SLC2A14: variants seen among roughly 807,000 people sequenced by gnomAD.
SLC2A14 encodes solute carrier family 2 member 14, also known as solute carrier family 2, facilitated glucose transporter member 14.
In SLC2A14, 13 loss-of-function variants were observed where a neutral mutation model predicts 43.0. The observed-to-expected ratio is 0.30, with a 90% CI of 0.20 to 0.48. The LOEUF is 0.48. Ranked by LOEUF, SLC2A14 falls within the 20% of genes least tolerant of loss-of-function variation. The pLI is 0.99. For synonymous variants in SLC2A14, 190 were observed against 233.8 expected, an observed-to-expected ratio of 0.81 and a Z score of 1.71; for missense variants, 428 against 620.4, an observed-to-expected ratio of 0.69 and a Z score of 3.29.
chr12:7,882,402 A>G (rs750869348), intron 1 of SLC2A14, among the ~76,000 whole-genome samples: 84 of 152,198 alleles, frequency 5.5e-4, no homozygotes, highest in Non-Finnish European at 9.3e-4. Flanking sequence ...TAAGAGCTGT[A>G]ACACTAACCG....
At chr12:7,890,298 TA>T (rs1945752643) in intron 1 of SLC2A14, among the ~76,000 whole-genome samples, 1 of 152,086 alleles carries the variant, frequency 6.6e-6, no homozygotes, top group Non-Finnish European at 1.5e-5. Context: ...TGAGTCCTGC[TA>T]AACAACAGTA....
chr12:7,824,939 C>T (rs1173780056), intron 7 of SLC2A14, among the ~76,000 whole-genome samples: 1 of 144,346 alleles, frequency 6.9e-6, no homozygotes, highest in Non-Finnish European at 1.5e-5. Flanking sequence ...AGGTGATCTG[C>T]CAGCCTCAGC....
intron 2 of SLC2A14, among the ~76,000 whole-genome samples, chr12:7,867,166 C>A (rs1465114696): frequency 6.6e-6 from 1 of 151,266 alleles, no homozygotes; most frequent in South Asian, 2.1e-4. Context: ...GTAGCCCCAG[C>A]TACTCTGGAG....
chr12:7,814,618 A>G (rs1217726640), intron 10 of SLC2A14, 84 bp from the exon 11 acceptor site: 2 of 1,417,340 alleles, frequency 1.4e-6, no homozygotes, highest in East Asian at 2.5e-5. Flanking sequence ...CATATTTCCA[A>G]TAGGCTTCAA....
At chr12:7,873,801 G>A (rs920770397), upstream of SLC2A14, among the ~76,000 whole-genome samples, 2 of 152,062 alleles carry the variant, frequency 1.3e-5, no homozygotes, top group African/African-American at 2.4e-5. Context: ...ATCCCCTGCT[G>A]CCCCATTGGT....
chr12:7,832,899 T>A, intron 2 of SLC2A14, 85 bp from the exon 3 acceptor site: 1 of 1,339,400 alleles, frequency 7.5e-7, no homozygotes, highest in Non-Finnish European at 1.1e-6. Context: ...GGAGCTGTAT[T>A]AGGAGAATCT....
At chr12:7,882,211 G>C (rs1238776051) in intron 1 of SLC2A14, among the ~76,000 whole-genome samples, 2 of 151,910 alleles carry the variant, frequency 1.3e-5, no homozygotes, top group East Asian at 1.9e-4. Context: ...AAGCCGGTAA[G>C]ACCAGAAGCC....
At position 7,817,793 on chromosome 12, in the gene SLC2A14, T is replaced by TAGACAGAC. The variant is rs377209325; in HGVS notation, c.1275+37_1275+38insGTCTGTCT. On this transcript the variant is annotated intron_variant, in intron 10 of 10. Transcript: ENST00000431042. Reference sequence around the variant, plus strand: ...ATAGATAGATAGACAGATACATAGATAGATACATAGATACATAGATAAGGT... The same window carrying TAGACAGAC: ...ATAGATAGATAGACAGATACATAGATAGACAGACAGATACATAGATACATAGATAAGGT... The TAGACAGAC allele has an allele frequency of 4.7e-5, 68 of 1,458,168 alleles. No individual in the cohort carries two copies. In the African/African-American group the frequency reaches 1.1e-3, roughly 24 times the overall value. The allele number at this position is 1,458,168 out of a possible 1,614,324, so 90.3% of individuals were successfully genotyped here.
chr12:7,876,282 A>C (rs1945463059), upstream of SLC2A14, among the ~76,000 whole-genome samples: 1 of 36,484 alleles, frequency 2.7e-5, no homozygotes, highest in Non-Finnish European at 6.5e-5. Context: ...CTCCATCTCA[A>C]AAAAAAAAAA....
At chr12:7,882,353 C>T (rs1053755063) in intron 1 of SLC2A14, among the ~76,000 whole-genome samples, 1 of 151,934 alleles carries the variant, frequency 6.6e-6, no homozygotes, top group Non-Finnish European at 1.5e-5. Context: ...CCAAACACAT[C>T]TGAACATCAG....
upstream of SLC2A14, among the ~76,000 whole-genome samples, chr12:7,876,280 C>CAAAAAA (rs59935166): frequency 1.2e-4 from 8 of 68,202 alleles, no homozygotes; most frequent in South Asian, 6.4e-4. Context: ...AACTCCATCT[C>CAAAAAA]AAAAAAAAAA....
At chr12:7,854,856 T>A (rs1320235311) in intron 2 of SLC2A14, among the ~76,000 whole-genome samples, 3 of 151,234 alleles carry the variant, frequency 2.0e-5, no homozygotes, top group Non-Finnish European at 4.4e-5. Flanking sequence ...TGTCACCCAG[T>A]CTGGAGTGTA....
At chr12:7,830,960 C>A (rs746820578) in intron 4 of SLC2A14, among the ~76,000 whole-genome samples, 2 of 151,976 alleles carry the variant, frequency 1.3e-5, no homozygotes, top group East Asian at 1.9e-4. Context: ...CCCATCTCTA[C>A]TAAAAATACA....
chr12:7,864,656 C>A (rs1944811272), intron 2 of SLC2A14, among the ~76,000 whole-genome samples: 1 of 152,062 alleles, frequency 6.6e-6, no homozygotes, highest in South Asian at 2.1e-4. Flanking sequence ...ACTGTTAAGT[C>A]TCTTTTACTA....
intron 2 of SLC2A14, among the ~76,000 whole-genome samples, chr12:7,843,053 C>T (rs1039304968): frequency 1.3e-5 from 2 of 152,150 alleles, no homozygotes; most frequent in South Asian, 4.2e-4. Flanking sequence ...TATAGGCATG[C>T]AATGTAAAAT....
At chr12:7,831,289 C>A in intron 4 of SLC2A14, 3 of 241,786 alleles carry the variant, frequency 1.2e-5, no homozygotes, top group South Asian at 1.2e-4. Context: ...CAACTTTGGA[C>A]CTTGTAAATT....
chr12:7,882,476 C>T (rs1057389904), intron 1 of SLC2A14, among the ~76,000 whole-genome samples: 2 of 152,104 alleles, frequency 1.3e-5, no homozygotes, highest in African/African-American at 2.4e-5. Context: ...CCTGACACAG[C>T]GCCCCTCCAC....
At chr12:7,866,046 G>A (rs777344948) in intron 2 of SLC2A14, among the ~76,000 whole-genome samples, 14 of 151,946 alleles carry the variant, frequency 9.2e-5, no homozygotes, top group South Asian at 8.3e-4. Flanking sequence ...GCAAAACCCT[G>A]TCTCTACCAA....
intron 1 of SLC2A14, among the ~76,000 whole-genome samples, chr12:7,883,054 C>A (rs1056671097): frequency 2.6e-5 from 4 of 151,566 alleles, no homozygotes; most frequent in East Asian, 2.0e-4. Flanking sequence ...ACTAAAAATA[C>A]AAAAATTAGC....
Sources: gnomAD v4.1 joint callset for allele counts (sites outside exome capture counted in the v4.1 genomes callset) on GRCh38, gnomAD v4.1.1 for gene constraint, MANE v1.5 for transcripts, NCBI Gene and HGNC (gene_info 2026-07-23, HGNC 2026-07-21) for gene names.